NEMF: variants seen among roughly 807,000 people sequenced by gnomAD.
NEMF encodes ribosome quality control complex subunit NEMF.
Under a neutral mutation model 162.2 loss-of-function variants are expected in NEMF, and 89 were observed. That is an observed-to-expected ratio of 0.55 (90% CI 0.46 to 0.65). NEMF has a LOEUF of 0.65. Among genes scored for constraint, NEMF ranks in the 30% least tolerant of loss-of-function variants. The probability of loss-of-function intolerance (pLI) is 0.00; values close to 1 mark genes in which losing one functional copy is unlikely to be tolerated. For missense variants in NEMF, 1,133 were observed against 1,261.9 expected (o/e 0.90, Z 1.55); for synonymous variants, 421 against 404.5 (o/e 1.04, Z -0.49).
At chr14:49,830,241 C>T (rs1244857837) in intron 11 of NEMF, among the ~76,000 whole-genome samples, 1 of 152,072 alleles carries the variant, frequency 6.6e-6, no homozygotes, top group Non-Finnish European at 1.5e-5. Context: ...ACCCATGAAA[C>T]CATGGGGTTC....
At position 49,796,260 on chromosome 14, in the gene NEMF, G is replaced by C. The variant is rs1251244173; in HGVS notation, c.2466-316C>G. 1.9e-5 allele frequency: 9 copies of C among 484,784 alleles called. No individual in the cohort carries two copies. In the East Asian group the frequency reaches 5.5e-4, roughly 30 times the overall value. 30.0% of individuals were successfully genotyped at this position (484,784 alleles called of 1,614,324 possible). On this transcript the variant is annotated intron_variant, in intron 25 of 32. Coordinates refer to ENST00000298310, the MANE Select transcript of NEMF (RefSeq NM_004713.6). Reference sequence around the variant, plus strand: ...TGATGGCCAGGCACTGGGATTTGTAGTCTTTGTACCAACATAGCATTGGCA... The same window carrying C: ...TGATGGCCAGGCACTGGGATTTGTACTCTTTGTACCAACATAGCATTGGCA...
intron 13 of NEMF, 109 bp downstream of exon 13, chr14:49,828,945 C>T: frequency 7.5e-7 from 1 of 1,330,830 alleles, no homozygotes; most frequent in African/African-American, 1.5e-5. Context: ...TAGTTTTTTC[C>T]CTTTCTTTGA....
At chr14:49,795,480 A>G (rs536229330) in intron 26 of NEMF, among the ~76,000 whole-genome samples, 11 of 152,340 alleles carry the variant, frequency 7.2e-5, no homozygotes, top group Admixed American at 1.3e-4. Context: ...TCTAAAAATT[A>G]CTGAGCTAAA....
chr14:49,851,963 G>A (rs1893798878), intron 1 of NEMF, 88 bp from the exon 2 acceptor site: 2 of 803,960 alleles, frequency 2.5e-6, no homozygotes, highest in East Asian at 2.6e-5. Flanking sequence ...TCGAAAGAGC[G>A]GATCTCAGTC....
chr14:49,807,518 T>C (rs915789558), intron 18 of NEMF, among the ~76,000 whole-genome samples: 1 of 151,420 alleles, frequency 6.6e-6, no homozygotes, highest in Non-Finnish European at 1.5e-5. Context: ...TCCACCATCA[T>C]CACCAACACG....
rs143609676 is a variant in NEMF, at chr14:49,797,413, C to T, written c.2466-1469G>A. 1,217 of 151,728 alleles carry T rather than the reference C, an allele frequency of 8.0e-3. 8 individuals are homozygous for T. The highest frequency in any genetic ancestry group is 0.011 in the Non-Finnish European group (775 of 68,012). 9.4% of individuals were successfully genotyped at this position (151,728 alleles called of 1,614,324 possible). On this transcript the variant is annotated intron_variant, in intron 25 of 32. Coordinates refer to ENST00000298310, the MANE Select transcript of NEMF (RefSeq NM_004713.6). ...TTGGGAGGCCAAGGCGGGTGGATCGCGAGGTCAGAAGATCGAGACAATCCT... is the reference window on the plus strand; with the variant it reads ...TTGGGAGGCCAAGGCGGGTGGATCGTGAGGTCAGAAGATCGAGACAATCCT...
At chr14:49,851,404 T>A (rs1893768198) in intron 3 of NEMF, among the ~76,000 whole-genome samples, 159 bp downstream of exon 3, 3 of 152,220 alleles carry the variant, frequency 2.0e-5, no homozygotes. Flanking sequence ...AGAAATCAAT[T>A]AATAAATATT....
intron 4 of NEMF, among the ~76,000 whole-genome samples, chr14:49,845,789 G>A (rs1457135154): frequency 1.3e-5 from 2 of 152,194 alleles, no homozygotes; most frequent in Non-Finnish European, 2.9e-5. Context: ...GTCTGTTGTT[G>A]ACTGAAACAT....
chr14:49,824,048 T>C (rs191391206), intron 16 of NEMF, among the ~76,000 whole-genome samples: 3 of 152,138 alleles, frequency 2.0e-5, no homozygotes, highest in African/African-American at 4.8e-5. Context: ...CGTGCACCTG[T>C]AATCCCAGCT....
rs1201519215 is a variant in NEMF, at chr14:49,789,359, G to T, written c.2698-16C>A. 1.2e-6 allele frequency: 2 copies of T among 1,613,416 alleles called. No homozygotes were observed. The highest frequency in any genetic ancestry group is 1.7e-6 in the Non-Finnish European group (2 of 1,179,522). On this transcript the variant is annotated splice_polypyrimidine_tract_variant and intron_variant, in intron 27 of 32. Coordinates refer to ENST00000298310, the MANE Select transcript of NEMF (RefSeq NM_004713.6). ...AACCTGCAGACTTTAATTCATAGAG[G>T]AAACATCAGTCAGTGTTGTATTTTC...
chr14:49,799,575 G>A, intron 24 of NEMF, 51 bp from the exon 25 acceptor site: 2 of 1,594,424 alleles, frequency 1.3e-6, no homozygotes, highest in Non-Finnish European at 1.7e-6. Context: ...TAACTTTTTT[G>A]AAAAGTAGAA....
At chr14:49,851,988 G>T in intron 1 of NEMF, 113 bp from the exon 2 acceptor site, 1 of 644,114 alleles carries the variant, frequency 1.6e-6, no homozygotes, top group Non-Finnish European at 2.6e-6. Context: ...AGGATATGGA[G>T]TCAGCCGAGG....
chr14:49,834,163 C>A (rs1278645013), intron 7 of NEMF, 200 bp downstream of exon 7: 1 of 585,818 alleles, frequency 1.7e-6, no homozygotes, highest in Middle Eastern at 4.3e-4. Flanking sequence ...CAGTCACCAC[C>A]CACTGCAGCC....
intron 3 of NEMF, among the ~76,000 whole-genome samples, chr14:49,848,028 T>C (rs965693257): frequency 7.4e-6 from 1 of 135,744 alleles, no homozygotes; most frequent in Non-Finnish European, 1.6e-5. Context: ...CAAGACTCTG[T>C]CTCAAAAAAA....
chr14:49,791,773 AG>A (rs2139832966), intron 26 of NEMF, among the ~76,000 whole-genome samples: 1 of 150,302 alleles, frequency 6.7e-6, no homozygotes, highest in Admixed American at 6.7e-5. Context: ...ACTGAGCCAA[AG>A]ATTTGTGCAT....
chr14:49,816,898 C>G (rs1287106193), intron 16 of NEMF, among the ~76,000 whole-genome samples: 1 of 151,900 alleles, frequency 6.6e-6, no homozygotes, highest in Non-Finnish European at 1.5e-5. Flanking sequence ...GTATAGCCAA[C>G]AAGTCAATAA....
chr14:49,785,608 G>T, intron 29 of NEMF: 1 of 341,558 alleles, frequency 2.9e-6, no homozygotes, highest in Non-Finnish European at 5.6e-6. Context: ...AGGCCCAGGA[G>T]CAGTGGTTCA....
At position 49,788,812 on chromosome 14, in the gene NEMF, C is replaced by T. The variant is rs189364100; in HGVS notation, c.2895+334G>A. 1.6e-3 allele frequency among the ~76,000 whole-genome samples: 251 copies of T among 152,184 alleles called. 1 individual carries two copies. Among genetic ancestry groups the T allele is most frequent in the Admixed American group, 2.7e-3 (41 of 15,268 alleles). On this transcript the variant is annotated intron_variant, in intron 28 of 32. Transcript: ENST00000298310. ...GACCTTGTGATCTGCCTGCCTTGGC[C>T]TCTCAAAGTGCTGGGATTACAGGCG... is the stretch of plus-strand genomic sequence containing the variant.
chr14:49,850,026 C>T (rs1893694454), intron 3 of NEMF, among the ~76,000 whole-genome samples: 2 of 152,118 alleles, frequency 1.3e-5, no homozygotes, highest in Non-Finnish European at 2.9e-5. Flanking sequence ...ATAACAGATA[C>T]ATTGCCAAAG....
Sources: allele counts gnomAD v4.1 joint callset (sites outside exome capture counted in the v4.1 genomes callset), GRCh38; gene constraint gnomAD v4.1.1; transcripts MANE v1.5; gene names NCBI Gene and HGNC (gene_info 2026-07-23, HGNC 2026-07-21).